The following FAT3 variants were observed in gnomAD, a reference collection of about 807,000 sequenced individuals.
The protein encoded by FAT3 is protocadherin Fat 3.
Under a neutral mutation model 310.2 loss-of-function variants are expected in FAT3, and 95 were observed. That is an observed-to-expected ratio of 0.31 (90% confidence interval 0.26 to 0.36). The LOEUF is 0.36. Ranked by LOEUF, FAT3 falls within the 10% of genes least tolerant of loss-of-function variation. The probability of loss-of-function intolerance (pLI) is 1.00; values close to 1 mark genes in which losing one functional copy is unlikely to be tolerated. For synonymous variants in FAT3, 2,314 were observed against 2,192.9 expected, an observed-to-expected ratio of 1.06 and a Z score of -1.54; for missense variants, 5,408 against 5,715.6, an observed-to-expected ratio of 0.95 and a Z score of 1.74.
intron 3 of FAT3, among the ~76,000 whole-genome samples, chr11:92,597,282 C>A (rs1939760531): frequency 1.3e-5 from 2 of 152,148 alleles, no homozygotes; most frequent in African/African-American, 4.8e-5. Flanking sequence ...TTTTTGTGTA[C>A]CTTACAAGTG....
intron 2 of FAT3, among the ~76,000 whole-genome samples, chr11:92,455,091 A>T (rs1410161728): frequency 6.6e-6 from 1 of 152,196 alleles, no homozygotes; most frequent in African/African-American, 2.4e-5. Context: ...AGAAATCAGG[A>T]TAGTAAGGCT....
intron 3 of FAT3, among the ~76,000 whole-genome samples, chr11:92,560,195 A>G (rs1955171732): frequency 6.6e-6 from 1 of 152,156 alleles, no homozygotes; most frequent in Admixed American, 6.6e-5. Flanking sequence ...ACATTTGCCT[A>G]ATGGCCAATG....
At chr11:92,341,000 AC>A in intron 1 of FAT3, among the ~76,000 whole-genome samples, 2 of 152,072 alleles carry the variant, frequency 1.3e-5, no homozygotes, top group South Asian at 4.2e-4. Context: ...CTGTGGCAGC[AC>A]CTCTAGGGGG....
At chr11:92,843,582 A>G (rs1264417353) in intron 18 of FAT3, among the ~76,000 whole-genome samples, 2 of 152,230 alleles carry the variant, frequency 1.3e-5, no homozygotes, top group Non-Finnish European at 2.9e-5. Flanking sequence ...CCAAGTGGAA[A>G]GACCACTTTA....
At chr11:92,809,314 G>A (rs1947599858) in intron 12 of FAT3, among the ~76,000 whole-genome samples, 1 of 152,204 alleles carries the variant, frequency 6.6e-6, no homozygotes, top group Non-Finnish European at 1.5e-5. Context: ...GGTCCTTCAA[G>A]ACCCTGCCCC....
intron 1 of FAT3, among the ~76,000 whole-genome samples, chr11:92,319,105 A>G (rs1019510949): frequency 6.6e-6 from 1 of 152,232 alleles, no homozygotes; most frequent in African/African-American, 2.4e-5. Context: ...CAAAAAGCCC[A>G]GGTGATTATT....
At chr11:92,410,860 G>A (rs181091740) in intron 2 of FAT3, among the ~76,000 whole-genome samples, 2 of 151,688 alleles carry the variant, frequency 1.3e-5, no homozygotes, top group Admixed American at 1.3e-4. Flanking sequence ...TAATCTTGGG[G>A]ACATAAGCCA....
intron 3 of FAT3, among the ~76,000 whole-genome samples, chr11:92,664,714 C>A (rs557312209): frequency 1.5e-4 from 23 of 152,306 alleles, no homozygotes; most frequent in Non-Finnish European, 2.9e-5. Context: ...TACATGCTTT[C>A]ATCCCAGAAT....
chr11:92,507,496 CAT>C (rs1439794868), intron 2 of FAT3, among the ~76,000 whole-genome samples: 12 of 151,634 alleles, frequency 7.9e-5, no homozygotes, highest in African/African-American at 2.4e-4. Context: ...TATATACACA[CAT>C]ATATGTACAC....
rs765431025 is a variant in FAT3, at chr11:92,797,993, C to T, written c.4980C>T (p.Ser1660=). 36 of 1,613,778 alleles carry T rather than the reference C, an allele frequency of 2.2e-5. No individual in the cohort carries two copies. The highest frequency in any genetic ancestry group is 3.3e-5 in the South Asian group (3 of 91,076). Residue 1660 remains serine (S), a synonymous_variant, in exon 10 of 28, where the codon TCC becomes TCT. Transcript: ENST00000525166. ...CTGCTACTGCAATTGTGCGCATTTC[C>T]GTCACCATGTCTGACAATTCTCACC... ...PMSATAIVRI[S]VTMSDNSHPK...
chr11:92,240,781 G>A (rs1242206062), intron 1 of FAT3, among the ~76,000 whole-genome samples: 1 of 151,988 alleles, frequency 6.6e-6, no homozygotes, highest in Admixed American at 6.6e-5. Context: ...ACAAAAGCCA[G>A]CAACTTACTT....
At chr11:92,557,848 G>A (rs2135459306) in intron 3 of FAT3, among the ~76,000 whole-genome samples, 1 of 152,310 alleles carries the variant, frequency 6.6e-6, no homozygotes, top group East Asian at 1.9e-4. Flanking sequence ...ATTTAATAAG[G>A]AAAATAAAAG....
intron 2 of FAT3, among the ~76,000 whole-genome samples, chr11:92,373,693 C>G (rs1281363548): frequency 6.7e-6 from 1 of 150,104 alleles, no homozygotes; most frequent in Non-Finnish European, 1.5e-5. Context: ...AGGCAAAAAT[C>G]TTTATCCTCG....
At chr11:92,762,599 T>G (rs1337881412) in intron 5 of FAT3, among the ~76,000 whole-genome samples, 2 of 152,096 alleles carry the variant, frequency 1.3e-5, no homozygotes, top group Admixed American at 1.3e-4. Context: ...ATCAACAATG[T>G]GATAGAGCAT....
intron 3 of FAT3, among the ~76,000 whole-genome samples, chr11:92,670,418 G>C (rs1464649371): frequency 6.6e-6 from 1 of 152,170 alleles, no homozygotes; most frequent in Non-Finnish European, 1.5e-5. Flanking sequence ...TCCAGATAGG[G>C]ATCTGCAACT....
chr11:92,523,366 G>C (rs540465150), intron 2 of FAT3, among the ~76,000 whole-genome samples: 1 of 152,220 alleles, frequency 6.6e-6, no homozygotes, highest in South Asian at 2.1e-4. Context: ...AGAGTTCTTT[G>C]GTGAATAACA....
At chr11:92,282,916 G>A (rs1387903498) in intron 1 of FAT3, among the ~76,000 whole-genome samples, 3 of 151,846 alleles carry the variant, frequency 2.0e-5, no homozygotes, top group Non-Finnish European at 4.4e-5. Context: ...AATTTTCTTT[G>A]CCCTTGAACA....
chr11:92,709,953 C>T (rs1156577525), intron 4 of FAT3, among the ~76,000 whole-genome samples: 1 of 152,110 alleles, frequency 6.6e-6, no homozygotes, highest in African/African-American at 2.4e-5. Flanking sequence ...TCATGATGTA[C>T]CCATTATAAT....
At chr11:92,375,077 C>T (rs1941430) in intron 2 of FAT3, among the ~76,000 whole-genome samples, 57,025 of 151,932 alleles carry the variant, frequency 0.38, 15,514 homozygotes, top group African/African-American at 0.77. Flanking sequence ...AATTAGTAAT[C>T]GTCAAATAAT....
Sources: allele counts gnomAD v4.1 joint callset (sites outside exome capture counted in the v4.1 genomes callset), GRCh38; gene constraint gnomAD v4.1.1; transcripts MANE v1.5; gene names NCBI Gene and HGNC (gene_info 2026-07-23, HGNC 2026-07-21).